The following NBR1 variants were observed in gnomAD, a reference collection of about 807,000 sequenced individuals.
NBR1 encodes NBR1 autophagy cargo receptor, also known as next to BRCA1 gene 1 protein.
A neutral mutation model predicts 115.5 loss-of-function variants in NBR1; 59 were observed. That is an observed-to-expected ratio of 0.51 (90% confidence interval 0.41 to 0.63). The LOEUF (loss-of-function observed/expected upper bound fraction) is 0.63. NBR1 is among the 30% of genes least tolerant of loss of function. The pLI, the probability that NBR1 is intolerant of heterozygous loss-of-function variation, is 0.00. For synonymous variants in NBR1, 373 were observed against 414.7 expected, an observed-to-expected ratio of 0.90 and a Z score of 1.22; for missense variants, 1,043 against 1,150.5, an observed-to-expected ratio of 0.91 and a Z score of 1.35.
intron 20 of NBR1, among the ~76,000 whole-genome samples, chr17:43,205,407 C>T (rs1044355815): frequency 1.3e-5 from 2 of 152,158 alleles, no homozygotes; most frequent in Admixed American, 6.6e-5. Context: ...ACACTTCAGC[C>T]TGGTGTGCCC....
intron 1 of NBR1, among the ~76,000 whole-genome samples, chr17:43,171,525 C>T (rs1463513848): frequency 6.6e-6 from 1 of 152,170 alleles, no homozygotes; most frequent in Non-Finnish European, 1.5e-5. Flanking sequence ...GAACATCCGG[C>T]TTCTACTGAT....
Position 43,191,571 on chromosome 17 carries a change from A to C in NBR1, c.1063A>C (p.Asn355His). 6 of 1,610,534 alleles carry C rather than the reference A, an allele frequency of 3.7e-6. No individual in the cohort carries two copies. The highest frequency in any genetic ancestry group is 5.1e-6 in the Non-Finnish European group (6 of 1,178,408). ...LGRPESLLQSNTLMLPLQPCT... is the reference protein window; with the variant it reads ...LGRPESLLQSHTLMLPLQPCT... ...CCGACCTGAGAGCTTGCTCCAGTCT[A>C]ATACCCTGATGTAAGCCCAGGACTG... The change falls in exon 10 of 21, where the codon AAT becomes CAT. Residue 355 changes from asparagine (N) to histidine (H), a missense_variant. Asn to His is a moderately conservative substitution (Grantham distance 68). Transcript: ENST00000590996.
intron 6 of NBR1, among the ~76,000 whole-genome samples, chr17:43,188,080 T>G (rs1030439619): frequency 1.4e-4 from 21 of 150,770 alleles, no homozygotes; most frequent in Non-Finnish European, 5.9e-5. Flanking sequence ...TTAGTAGAGA[T>G]GGGGTTTCAA....
At chr17:43,185,084 C>T (rs2056767959) in intron 5 of NBR1, among the ~76,000 whole-genome samples, 3 of 140,038 alleles carry the variant, frequency 2.1e-5, no homozygotes, top group African/African-American at 7.7e-5. Flanking sequence ...CGAGACTCCA[C>T]CTCAAAAAAA....
At chr17:43,202,179 G>GAAAA (rs66915634) in intron 18 of NBR1, among the ~76,000 whole-genome samples, 12 of 118,004 alleles carry the variant, frequency 1.0e-4, no homozygotes, top group Admixed American at 1.8e-4. Flanking sequence ...GACTCCGTCT[G>GAAAA]AAAAAAAAAA....
At chr17:43,170,451 T>C (rs2056324334), upstream of NBR1, 1 of 154,070 alleles carries the variant, frequency 6.5e-6, no homozygotes, top group Admixed American at 6.5e-5. Context: ...CTCTCGCCTC[T>C]ACGCTTCCAG....
Position 43,194,972 on chromosome 17 carries a change from G to T in NBR1, c.1683G>T (p.Leu561=). The T allele has an allele frequency of 6.2e-7, 1 of 1,613,642 alleles. No homozygotes were observed. Among genetic ancestry groups the T allele is most frequent in the Non-Finnish European group, 8.5e-7 (1 of 1,179,746 alleles). Residue 561 remains leucine (L), a synonymous_variant, in exon 14 of 21, where the codon CTG becomes CTT. Coordinates refer to ENST00000590996, the MANE Select transcript of NBR1 (RefSeq NM_005899.5). The part of the protein sequence containing the change: ...SVDLLTAQDL[L]SFELLDINIV... ...ATTGTCTTTTTTTATAGGACCTGCT[G>T]TCCTTTGAGCTGTTGGATATAAACA...
chr17:43,199,276 C>T (rs1038965008), intron 16 of NBR1, among the ~76,000 whole-genome samples: 15 of 151,748 alleles, frequency 9.9e-5, no homozygotes, highest in African/African-American at 3.6e-4. Context: ...GATTTCGCCA[C>T]GTTGCCCAGG....
chr17:43,201,714 TC>T lies in NBR1; in HGVS notation c.2501del (p.Pro834GlnfsTer30), dbSNP rs2057201944. The T allele has an allele frequency of 3.7e-6, 6 of 1,607,482 alleles. No homozygotes were observed. Among genetic ancestry groups the T allele is most frequent in the African/African-American group, 1.3e-5 (1 of 74,790 alleles). ...CTCTCCTTGTGTACATCATCATGGT[TC>T]CCCAGGAGTGGATTTACCAGTTACC... ...RSSPCVHHHG[S>X]PGVDLPVTIP... On this transcript the variant is annotated frameshift_variant, in exon 18 of 21. Transcript: ENST00000590996. LOFTEE classifies it high-confidence loss of function.
intron 20 of NBR1, 146 bp from the exon 21 acceptor site, chr17:43,209,755 T>A: frequency 1.3e-6 from 2 of 1,491,468 alleles, no homozygotes; most frequent in Non-Finnish European, 1.8e-6. Flanking sequence ...TACACAGGAG[T>A]GCCATAGCCT....
intron 14 of NBR1, chr17:43,196,220 G>T: frequency 6.3e-6 from 2 of 318,828 alleles, no homozygotes; most frequent in South Asian, 6.8e-5. Flanking sequence ...GTGTCCTTTT[G>T]TTCCTTTATG....
chr17:43,191,871 C>T (rs2056955384), intron 10 of NBR1, among the ~76,000 whole-genome samples: 1 of 151,986 alleles, frequency 6.6e-6, no homozygotes, highest in African/African-American at 2.4e-5. Flanking sequence ...CAAGCACCCG[C>T]CACCACGCCT....
In NBR1 at chr17:43,184,511, G is replaced by C. The variant is rs576134924; in HGVS notation, c.208-1739G>C. On this transcript the variant is annotated intron_variant, in intron 5 of 20. Coordinates refer to ENST00000590996, the MANE Select transcript of NBR1 (RefSeq NM_005899.5). ...CTCCTGAGTAGCTGGGATTACAGGT[G>C]CATGCCACCATGCCCAGCTAATTTT... Among the ~76,000 whole-genome samples the C allele has an allele frequency of 2.8e-4, 43 of 151,360 alleles. 2 individuals are homozygous for C. The highest frequency in any genetic ancestry group is 1.0e-3 in the African/African-American group (42 of 41,358).
chr17:43,181,199 C>G (rs919122110), intron 5 of NBR1, among the ~76,000 whole-genome samples: 1 of 152,074 alleles, frequency 6.6e-6, no homozygotes, highest in African/African-American at 2.4e-5. Context: ...GAAACTCAAA[C>G]CTGAATTCCA....
intron 20 of NBR1, among the ~76,000 whole-genome samples, chr17:43,206,111 TGTTGCAGTGA>T (rs2057310976): frequency 6.8e-6 from 1 of 146,226 alleles, no homozygotes; most frequent in Non-Finnish European, 1.5e-5. Flanking sequence ...GGGAGGCGGA[TGTTGCAGTGA>T]GCCGAGATTG....
At chr17:43,194,812 C>G in intron 13 of NBR1, 152 bp from the exon 14 acceptor site, 2 of 651,744 alleles carry the variant, frequency 3.1e-6, no homozygotes, top group Non-Finnish European at 5.4e-6. Flanking sequence ...ACATCTAATT[C>G]CCATTTAACT....
intron 20 of NBR1, among the ~76,000 whole-genome samples, chr17:43,209,259 G>A (rs1285393736): frequency 6.6e-6 from 1 of 151,906 alleles, no homozygotes; most frequent in Non-Finnish European, 1.5e-5. Flanking sequence ...TGTATTTTTA[G>A]TAGAGATGGG....
At position 43,206,526 on chromosome 17, in the gene NBR1, G is replaced by A. The variant is rs80014462; in HGVS notation, c.2727+2740G>A. Among the ~76,000 whole-genome samples the A allele has an allele frequency of 1.9e-4, 29 of 152,042 alleles. No homozygotes were observed. In the East Asian group the frequency reaches 3.5e-3, roughly 18 times the overall value. On this transcript the variant is annotated intron_variant, in intron 20 of 20. Transcript: ENST00000590996. The stretch of plus-strand genomic sequence containing the variant: ...CAAAAATTGCCGGGCGTGGTGGCAC[G>A]TGCCTGTAGTCCTAGCTACTCGGGA...
At chr17:43,193,871 A>T (rs2057008026) in intron 12 of NBR1, among the ~76,000 whole-genome samples, 1 of 151,928 alleles carries the variant, frequency 6.6e-6, no homozygotes, top group South Asian at 2.1e-4. Context: ...CCTCTTTGTG[A>T]TGTTGCATGG....
Sources: gnomAD v4.1 joint callset for allele counts (sites outside exome capture counted in the v4.1 genomes callset) on GRCh38, gnomAD v4.1.1 for gene constraint, MANE v1.5 for transcripts, NCBI Gene and HGNC (gene_info 2026-07-23, HGNC 2026-07-21) for gene names.